MAOA: variants seen among roughly 807,000 people sequenced by gnomAD.
MAOA encodes the protein monoamine oxidase A.
In MAOA, 6 loss-of-function variants were observed where a neutral mutation model predicts 42.0. The observed-to-expected ratio is 0.14, with a 90% CI of 0.08 to 0.28. The LOEUF is 0.28. Ranked by LOEUF, MAOA falls within the 10% of genes least tolerant of loss-of-function variation. The pLI is 1.00. For missense variants in MAOA, 262 were observed against 422.3 expected, an observed-to-expected ratio of 0.62 and a Z score of 3.33; for synonymous variants, 140 against 154.0, an observed-to-expected ratio of 0.91 and a Z score of 0.67.
At chrX:43,692,143 G>A (rs2033540943) in intron 2 of MAOA, among the ~76,000 whole-genome samples, 1 of 110,361 alleles carries the variant, frequency 9.1e-6, no homozygotes, top group Admixed American at 9.7e-5. Context: ...TCCCTGGGTG[G>A]CAGGGGGAGT....
At position 43,723,112 on chromosome X, in the gene MAOA, C is replaced by T. The variant is rs182083844; in HGVS notation, c.504-5061C>T. On this transcript the variant is annotated intron_variant, in intron 5 of 14. Coordinates refer to ENST00000338702, the MANE Select transcript of MAOA (RefSeq NM_000240.4). ...GTAACCTTGTAGTATAGTTTGAAGT[C>T]AGGTAACGTGATGCCTCCAGCTTTG... Among the ~76,000 whole-genome samples the T allele has an allele frequency of 6.7e-3, 751 of 111,636 alleles. 2 individuals carry two copies. The highest frequency in any genetic ancestry group is 9.4e-3 in the Non-Finnish European group (499 of 53,145).
intron 1 of MAOA, among the ~76,000 whole-genome samples, chrX:43,673,570 CT>C (rs1346930733): frequency 9.2e-6 from 1 of 109,175 alleles, no homozygotes; most frequent in African/African-American, 3.3e-5. Context: ...CCTGCTTTCT[CT>C]TGTGGGCATT....
At chrX:43,664,777 G>A (rs371275763) in intron 1 of MAOA, among the ~76,000 whole-genome samples, 1 of 111,431 alleles carries the variant, frequency 9.0e-6, no homozygotes, top group South Asian at 3.7e-4. Flanking sequence ...TCTGCTTTGG[G>A]CATATTGCCT....
chrX:43,672,454 G>T (rs964425076), intron 1 of MAOA, among the ~76,000 whole-genome samples: 10 of 110,489 alleles, frequency 9.1e-5, no homozygotes, highest in Admixed American at 2.9e-4. Context: ...CTGACTAATT[G>T]CCCTGGCCAG....
Position 43,706,654 on chromosome X carries a change from A to T in MAOA, c.307-5218A>T, listed in dbSNP as rs776390752. Among the ~76,000 whole-genome samples, 97 of 92,211 alleles carry T rather than the reference A, an allele frequency of 1.1e-3. 1 individual carries two copies. The highest frequency in any genetic ancestry group is 6.6e-3 in the African/African-American group (96 of 14,442). The allele number at this position is 92,211 out of a possible 115,157, so 80.1% of individuals were successfully genotyped here. A position where few individuals can be genotyped will look rare whatever the true frequency, so the allele number is the denominator to read the frequency against. On this transcript the variant is annotated intron_variant, in intron 3 of 14. Transcript: ENST00000338702. The stretch of plus-strand genomic sequence containing the variant: ...ATAAATAAATAAATAAATAAATAAA[A>T]ATACAAAAATTAGCCATGCATAGTG...
chrX:43,739,632 C>T (rs1397424918), intron 10 of MAOA, among the ~76,000 whole-genome samples: 1 of 111,976 alleles, frequency 8.9e-6, no homozygotes, highest in East Asian at 2.8e-4. Flanking sequence ...GAGCTCCCCC[C>T]GCCCTGCATA....
intron 11 of MAOA, among the ~76,000 whole-genome samples, chrX:43,741,326 G>T (rs766830743): frequency 1.8e-5 from 2 of 111,222 alleles, no homozygotes; most frequent in South Asian, 3.9e-4. Flanking sequence ...CTCTTTCAGG[G>T]GCTTGTCTCT....
At chrX:43,672,659 C>G (rs939020185) in intron 1 of MAOA, among the ~76,000 whole-genome samples, 12 of 111,514 alleles carry the variant, frequency 1.1e-4, no homozygotes, top group Non-Finnish European at 2.1e-4. Context: ...ATGAAGTGTT[C>G]TTGAATTTTG....
At chrX:43,740,912 C>T (rs1042436862) in intron 11 of MAOA, among the ~76,000 whole-genome samples, 174 bp downstream of exon 11, 4 of 111,241 alleles carry the variant, frequency 3.6e-5, no homozygotes, top group Non-Finnish European at 3.8e-5. Flanking sequence ...TGGTATTAGG[C>T]GCATGGAATT....
In MAOA at chrX:43,663,747, T is replaced by A. The variant is rs758636902; in HGVS notation, c.73+7333T>A. Among the ~76,000 whole-genome samples the A allele has an allele frequency of 3.6e-5, 4 of 112,411 alleles. No individual in the cohort carries two copies. The South Asian group carries it at 1.5e-3, about 41-fold the overall frequency. ...ATATTATAAGATATCACAAGGAATG[T>A]TATTGCTTTCTGAACATTTAAATTT... On this transcript the variant is annotated intron_variant, in intron 1 of 14. Coordinates refer to ENST00000338702, the MANE Select transcript of MAOA (RefSeq NM_000240.4).
Position 43,746,076 on chromosome X carries a change from G to A in MAOA, c.*1563G>A, listed in dbSNP as rs1471277439. 2 of 111,541 alleles carry A rather than the reference G, an allele frequency of 1.8e-5. No individual in the cohort carries two copies. Among genetic ancestry groups the A allele is most frequent in the Admixed American group, 9.5e-5 (1 of 10,477 alleles). The allele number at this position is 111,541 out of a possible 1,213,427, so 9.2% of individuals were successfully genotyped here. On this transcript the variant is annotated 3_prime_UTR_variant, in exon 15 of 15. Coordinates refer to ENST00000338702, the MANE Select transcript of MAOA (RefSeq NM_000240.4). ...ACGCTCCAGTACATAAGGAGTTGCC[G>A]CATATTATATCAGACTGCTTTGAGA...
intron 10 of MAOA, among the ~76,000 whole-genome samples, chrX:43,736,702 A>G (rs1360728109): frequency 9.0e-6 from 1 of 111,391 alleles, no homozygotes; most frequent in African/African-American, 3.3e-5. Context: ...CTTATCTGGG[A>G]CACAGTTCTG....
intron 5 of MAOA, among the ~76,000 whole-genome samples, chrX:43,720,366 AC>A (rs1285099571): frequency 9.1e-6 from 1 of 109,772 alleles, no homozygotes; most frequent in Non-Finnish European, 1.9e-5. Context: ...CCACAGGGAT[AC>A]AGGGAGACAG....
At chrX:43,711,828 G>T in intron 3 of MAOA, 44 bp from the exon 4 acceptor site, 3 of 1,002,640 alleles carry the variant, frequency 3.0e-6, no homozygotes, top group Non-Finnish European at 4.2e-6. Context: ...TCAAATTTAA[G>T]ATATTACTCT....
chrX:43,714,391 G>T (rs1268934307), intron 5 of MAOA, among the ~76,000 whole-genome samples: 1 of 110,667 alleles, frequency 9.0e-6, no homozygotes, highest in Non-Finnish European at 1.9e-5. Context: ...ATAGTGGATG[G>T]TGTTTGCCAT....
At chrX:43,741,397 G>C (rs866094139) in intron 11 of MAOA, among the ~76,000 whole-genome samples, 1 of 111,754 alleles carries the variant, frequency 8.9e-6, no homozygotes, top group Non-Finnish European at 1.9e-5. Flanking sequence ...GTTCTCTCAT[G>C]TCCCCTAGGA....
chrX:43,738,245 G>A (rs889409274), intron 10 of MAOA, among the ~76,000 whole-genome samples: 1 of 111,640 alleles, frequency 9.0e-6, no homozygotes, highest in African/African-American at 3.3e-5. Context: ...GTTATTTTTA[G>A]AGCCAAATTA....
intron 12 of MAOA, 104 bp from the exon 13 acceptor site, chrX:43,743,688 GTC>G (rs2147108319): frequency 3.1e-6 from 3 of 972,758 alleles, no homozygotes; most frequent in South Asian, 2.1e-5. Flanking sequence ...TTTTTAAACA[GTC>G]TGAATTTCTG....
chrX:43,696,542 A>C (rs1157535033), intron 3 of MAOA, among the ~76,000 whole-genome samples: 2 of 111,456 alleles, frequency 1.8e-5, no homozygotes, highest in Non-Finnish European at 3.8e-5. Context: ...ATCCTGGCTA[A>C]CACGGTGAAA....
Sources: gnomAD v4.1 joint callset for allele counts (sites outside exome capture counted in the v4.1 genomes callset) on GRCh38, gnomAD v4.1.1 for gene constraint, MANE v1.5 for transcripts, NCBI Gene and HGNC (gene_info 2026-07-23, HGNC 2026-07-21) for gene names.